MAP3K11: variants seen among roughly 807,000 people sequenced by gnomAD.
MAP3K11 encodes the protein mitogen-activated protein kinase kinase kinase 11.
Under a neutral mutation model 84.9 loss-of-function variants are expected in MAP3K11, and 46 were observed. That is an observed-to-expected ratio of 0.54 (90% CI 0.43 to 0.69). The LOEUF is 0.69. MAP3K11 is among the 30% of genes least tolerant of loss of function. MAP3K11 has a pLI of 0.00. For missense variants in MAP3K11, 1,053 were observed against 1,198.3 expected, an observed-to-expected ratio of 0.88 and a Z score of 1.79; for synonymous variants, 527 against 514.7, an observed-to-expected ratio of 1.02 and a Z score of -0.32.
In MAP3K11 at chr11:65,613,388, G is replaced by A. The variant is rs1313935587; in HGVS notation, c.369C>T (p.Ile123=). Residue 123 remains isoleucine, a synonymous_variant, in exon 1 of 10, where the codon ATC becomes ATT. Coordinates refer to ENST00000309100, the MANE Select transcript of MAP3K11 (RefSeq NM_002419.4). ...ACACCTTGCCAAAGCCTCCAATGCCGATCACCTCCTCCAGCCGCAGCTCCT... is the reference window on the plus strand; with the variant it reads ...ACACCTTGCCAAAGCCTCCAATGCCAATCACCTCCTCCAGCCGCAGCTCCT... The part of the protein sequence containing the change: ...SFQELRLEEV[I]GIGGFGKVYR... The A allele has an allele frequency of 5.6e-6, 9 of 1,612,740 alleles. No individual in the cohort carries two copies. Among genetic ancestry groups the A allele is most frequent in the Non-Finnish European group, 7.6e-6 (9 of 1,179,818 alleles).
intron 8 of MAP3K11, among the ~76,000 whole-genome samples, chr11:65,605,362 CCA>C (rs1465246086): frequency 6.6e-6 from 1 of 152,202 alleles, no homozygotes; most frequent in African/African-American, 2.4e-5. Flanking sequence ...TGGCTCCACC[CCA>C]CACAGGCTGA....
Position 65,606,703 on chromosome 11 carries a change from G to A in MAP3K11, c.1591C>T (p.Arg531Ter), listed in dbSNP as rs1161517276. Residue 531 changes from arginine to a stop codon, truncating the protein, a stop_gained, in exon 6 of 10, where the codon CGA becomes TGA. Transcript: ENST00000309100. LOFTEE classifies it high-confidence loss of function. ...TGAAGTTTCTTACACTGGATGGCTCGGAACCGGGGAAAGGTGGGCGAATCC... is the reference window on the plus strand; with the variant it reads ...TGAAGTTTCTTACACTGGATGGCTCAGAACCGGGGAAAGGTGGGCGAATCC... The part of the protein sequence containing the change: ...PGDSPTFPRF[R>*]AIQLEPAEPG... 6.3e-7 allele frequency: 1 copy of A among 1,599,554 alleles called. No homozygotes were observed. The highest frequency in any genetic ancestry group is 8.5e-7 in the Non-Finnish European group (1 of 1,173,782).
chr11:65,606,160 T>TA, intron 6 of MAP3K11, 79 bp from the exon 7 acceptor site: 1 of 1,435,256 alleles, frequency 7.0e-7, no homozygotes, highest in East Asian at 2.5e-5. Flanking sequence ...AGATAAACTT[T>TA]AGAGTATGGG....
chr11:65,609,072 A>G (rs1854544383), intron 1 of MAP3K11: 1 of 152,396 alleles, frequency 6.6e-6, no homozygotes, highest in Non-Finnish European at 1.5e-5. Flanking sequence ...TGGCTCTGAA[A>G]CCAGTGTTCT....
At chr11:65,604,864 C>T (rs564577728) in intron 8 of MAP3K11, among the ~76,000 whole-genome samples, 10 of 152,114 alleles carry the variant, frequency 6.6e-5, no homozygotes, top group Admixed American at 2.6e-4. Context: ...GCACAGGGAC[C>T]CACAGGCAAG....
Position 65,599,567 on chromosome 11 carries a change from G to C in MAP3K11, c.2033C>G (p.Pro678Arg). The part of the protein sequence containing the change: ...GRERGESPTT[P>R]PTPTPAPCPT... ...GCAGGGCGCGGGCGTTGGCGTGGGGGGTGTTGTCGGGGACTCCCCGCGCTC... is the reference window on the plus strand; with the variant it reads ...GCAGGGCGCGGGCGTTGGCGTGGGGCGTGTTGTCGGGGACTCCCCGCGCTC... The change falls in exon 9 of 10, where the codon CCC becomes CGC. Residue 678 changes from proline to arginine, a missense_variant. Transcript: ENST00000309100. The C allele has an allele frequency of 6.7e-7, 1 of 1,501,924 alleles. No homozygotes were observed. The highest frequency in any genetic ancestry group is 8.8e-7 in the Non-Finnish European group (1 of 1,134,284). 93.0% of individuals were successfully genotyped at this position (1,501,924 alleles called of 1,614,324 possible).
At chr11:65,603,954 CA>C (rs1854481233) in intron 8 of MAP3K11, among the ~76,000 whole-genome samples, 2 of 152,214 alleles carry the variant, frequency 1.3e-5, no homozygotes, top group African/African-American at 4.8e-5. Context: ...TCTCAGTTTG[CA>C]GGGGCTGGAC....
chr11:65,603,308 G>A (rs1854474238), intron 8 of MAP3K11, among the ~76,000 whole-genome samples: 2 of 152,234 alleles, frequency 1.3e-5, no homozygotes, highest in Non-Finnish European at 2.9e-5. Context: ...TGTTGTTTAG[G>A]AGAAAGCTGC....
rs1854398965 is a variant in MAP3K11, at chr11:65,597,895, TC to T, written c.*395del. ...GACCCCCAGGGCAGGAGGTCCATGCTCTAAGCCCTAGGGCAGGGGCCGCAGT... is the reference window on the plus strand; with the variant it reads ...GACCCCCAGGGCAGGAGGTCCATGCTTAAGCCCTAGGGCAGGGGCCGCAGT... On this transcript the variant is annotated 3_prime_UTR_variant, in exon 10 of 10. Transcript: ENST00000309100. 1 of 177,114 alleles carries T rather than the reference TC, an allele frequency of 5.6e-6. No homozygotes were observed. The highest frequency in any genetic ancestry group is 2.4e-5 in the African/African-American group (1 of 42,452). 11.0% of individuals were successfully genotyped at this position (177,114 alleles called of 1,614,324 possible).
Position 65,613,639 on chromosome 11 carries a change from C to G in MAP3K11, c.118G>C (p.Gly40Arg), listed in dbSNP as rs778465179. ...GCTGTCCACACCGGGTTGGCATAAC[C>G]CGCTGCCTTTGGAGACCCCTCAGGC... ...GRPEGSPKAA[G>R]YANPVWTALF... Residue 40 changes from glycine (G) to arginine (R), a missense_variant, in exon 1 of 10, where the codon GGT becomes CGT. Around this residue, in one of 3 missense-constraint regions of MAP3K11, gnomAD observed 160 missense variants for 167.3 expected, o/e 0.96. Transcript: ENST00000309100. The G allele has an allele frequency of 1.9e-6, 3 of 1,612,930 alleles. No homozygotes were observed. The highest frequency in any genetic ancestry group is 2.5e-6 in the Non-Finnish European group (3 of 1,180,012).
In MAP3K11 at chr11:65,608,299, A is replaced by T; in HGVS notation, c.889T>A (p.Ser297Thr). Residue 297 changes from serine (S) to threonine (T), a missense_variant, in exon 2 of 10, where the codon TCC (serine) becomes ACC (threonine). Physicochemically the swap from Ser to Thr is moderately conservative, Grantham distance 58. Transcript: ENST00000309100. ...AWMAPEVIKA[S>T]TFSKGSDVWS... The stretch of plus-strand genomic sequence containing the variant: ...ACGTCACTGCCCTTAGAGAAGGTGG[A>T]GGCCTTGATAACCTCAGGAGCCATC... 1 of 1,614,156 alleles carries T rather than the reference A, an allele frequency of 6.2e-7. No homozygotes were observed. The highest frequency in any genetic ancestry group is 8.5e-7 in the Non-Finnish European group (1 of 1,180,008).
chr11:65,607,815 G>A lies in MAP3K11; in HGVS notation c.1071C>T (p.Asp357=), dbSNP rs762294465. ...CPEPFAQLMA[D]CWAQDPHRRP... ...TGCGGTGGGGGTCCTGCGCCCAGCA[G>A]TCTAGGGGCACGGCGTGCAGCGGGG... Residue 357 remains aspartate, a splice_region_variant and synonymous_variant, in exon 4 of 10, where the codon GAC becomes GAT. Coordinates refer to ENST00000309100, the MANE Select transcript of MAP3K11 (RefSeq NM_002419.4). The A allele has an allele frequency of 6.2e-7, 1 of 1,610,024 alleles. No homozygotes were observed. Among genetic ancestry groups the A allele is most frequent in the Non-Finnish European group, 8.5e-7 (1 of 1,177,452 alleles).
intron 8 of MAP3K11, among the ~76,000 whole-genome samples, chr11:65,601,445 G>T (rs1444435818): frequency 6.6e-6 from 1 of 152,156 alleles, no homozygotes; most frequent in African/African-American, 2.4e-5. Flanking sequence ...TTAACATGTT[G>T]ATGCCTGGCT....
rs1854523332 is a variant in MAP3K11, at chr11:65,607,371, TG to T, written c.1387del (p.Gln463ArgfsTer138). On this transcript the variant is annotated frameshift_variant, in exon 5 of 10. Transcript: ENST00000309100. LOFTEE classifies it high-confidence loss of function. The stretch of plus-strand genomic sequence containing the variant: ...CACGTGCGGTCGCTCGCGGTCCACC[TG>T]CTGCAGCAGCAGCGTCAGCTCGCGC... ...FERELTLLLQ[Q>X]VDRERPHVRR... 6.7e-7 allele frequency: 1 copy of T among 1,498,842 alleles called. No homozygotes were observed. The highest frequency in any genetic ancestry group is 1.4e-5 in the African/African-American group (1 of 69,886). The allele number at this position is 1,498,842 out of a possible 1,614,324, so 92.8% of individuals were successfully genotyped here.
intron 8 of MAP3K11, among the ~76,000 whole-genome samples, chr11:65,604,825 T>G (rs948112557): frequency 6.6e-6 from 1 of 152,038 alleles, no homozygotes; most frequent in African/African-American, 2.4e-5. Context: ...GCAGCAGGTG[T>G]GGGGGCTCTG....
Position 65,599,583 on chromosome 11 carries a change from CCCCGCG to C in MAP3K11, c.2011_2016del (p.Arg671_Gly672del). 6.6e-7 allele frequency: 1 copy of C among 1,518,082 alleles called. No individual in the cohort carries two copies. The highest frequency in any genetic ancestry group is 8.8e-7 in the Non-Finnish European group (1 of 1,141,812). 94.0% of individuals were successfully genotyped at this position (1,518,082 alleles called of 1,614,324 possible). A position where few individuals can be genotyped will look rare whatever the true frequency, so the allele number is the denominator to read the frequency against. On this transcript the variant is annotated inframe_deletion, in exon 9 of 10. Transcript: ENST00000309100. ...GGCGTGGGGGGTGTTGTCGGGGACT[CCCCGCG>C]CTCGCGTCCTGGGCCTCCCGGCGGC...
In MAP3K11 at chr11:65,605,831, T is replaced by G. The variant is rs768612025; in HGVS notation, c.1761A>C (p.Glu587Asp). The change falls in exon 8 of 10, where the codon GAA (glutamate) becomes GAC (aspartate). Residue 587 changes from glutamate (E) to aspartate (D), a missense_variant. By Grantham distance (45) the Glu-to-Asp change is conservative. Transcript: ENST00000309100. ...CATCTGAATCCAGGTACCATGTGGCTTCGTCCATGCGGGACCTTCTCCTGG... is the reference window on the plus strand; with the variant it reads ...CATCTGAATCCAGGTACCATGTGGCGTCGTCCATGCGGGACCTTCTCCTGG... ...QNGRRRSRMD[E>D]ATWYLDSDDS... 6.2e-6 allele frequency: 10 copies of G among 1,613,206 alleles called. No individual in the cohort carries two copies. The African/African-American group carries it at 9.4e-5, about 15-fold the overall frequency.
chr11:65,607,081 G>A, intron 5 of MAP3K11, 189 bp downstream of exon 5: 1 of 863,752 alleles, frequency 1.2e-6, no homozygotes, highest in Non-Finnish European at 1.7e-6. Context: ...AGACCGACAT[G>A]CAAATACTTC....
At position 65,599,501 on chromosome 11, in the gene MAP3K11, A is replaced by T. The variant is rs781205052; in HGVS notation, c.2099T>A (p.Leu700His). The change falls in exon 9 of 10, where the codon CTC becomes CAC. Residue 700 changes from leucine to histidine, a missense_variant. Coordinates refer to ENST00000309100, the MANE Select transcript of MAP3K11 (RefSeq NM_002419.4). Reference sequence around the variant, plus strand: ...AGTGGGCGGGGAGTCGGGCGTCTTGAGCGAGAAGCAGATGAGCGGGGAAGG... The same window carrying T: ...AGTGGGCGGGGAGTCGGGCGTCTTGTGCGAGAAGCAGATGAGCGGGGAAGG... ...PPPSPLICFS[L>H]KTPDSPPTPA... The T allele has an allele frequency of 2.0e-6, 3 of 1,495,540 alleles. No individual in the cohort carries two copies. Among genetic ancestry groups the T allele is most frequent in the Non-Finnish European group, 2.7e-6 (3 of 1,128,428 alleles). The allele number at this position is 1,495,540 out of a possible 1,614,324, so 92.6% of individuals were successfully genotyped here.
Sources: allele counts gnomAD v4.1 joint callset (sites outside exome capture counted in the v4.1 genomes callset), GRCh38; gene constraint gnomAD v4.1.1; regional missense constraint gnomAD v4.1.1; transcripts MANE v1.5; gene names NCBI Gene and HGNC (gene_info 2026-07-23, HGNC 2026-07-21).